Variants in ROBO2 observed in about 807,000 individuals in gnomAD.
The protein encoded by ROBO2 is roundabout homolog 2.
ROBO2 carries 53 observed loss-of-function variants against 160.8 expected under a neutral mutation model. The observed-to-expected ratio is 0.33, with a 90% CI of 0.26 to 0.41. ROBO2 has a LOEUF of 0.41. ROBO2 is among the 10% of genes least tolerant of loss of function. ROBO2 has a pLI of 1.00. For missense variants in ROBO2, 1,577 were observed against 1,722.4 expected, an observed-to-expected ratio of 0.92 and a Z score of 1.49; for synonymous variants, 664 against 611.7, an observed-to-expected ratio of 1.09 and a Z score of -1.26.
Position 77,391,332 on chromosome 3 carries a change from G to A in ROBO2, c.389-86082G>A, listed in dbSNP as rs534448220. Among the ~76,000 whole-genome samples, 204 of 151,646 alleles carry A rather than the reference G, an allele frequency of 1.3e-3. 1 individual carries two copies. The highest frequency in any genetic ancestry group is 4.7e-3 in the African/African-American group (193 of 41,360). ...TTTTTAAGAAATTTTTTTGAGACAG[G>A]GTCTCACTCTGTAGCCCAGGCTGGA... On this transcript the variant is annotated intron_variant, in intron 2 of 25. Transcript: ENST00000461745.
intron 5 of ROBO2, among the ~76,000 whole-genome samples, chr3:77,502,337 A>C (rs2087738586): frequency 6.6e-6 from 1 of 152,188 alleles, no homozygotes; most frequent in African/African-American, 2.4e-5. Context: ...TAAAGTTTTG[A>C]AAATTTTTAT....
chr3:76,657,220 T>C (rs2091574773), intron 2 of ROBO2, among the ~76,000 whole-genome samples: 1 of 148,790 alleles, frequency 6.7e-6, no homozygotes, highest in Non-Finnish European at 1.5e-5. Flanking sequence ...GGTCAGGAGA[T>C]CGAGACCATC....
intron 2 of ROBO2, among the ~76,000 whole-genome samples, chr3:75,977,816 C>G (rs930781023): frequency 6.6e-6 from 1 of 151,442 alleles, no homozygotes; most frequent in Non-Finnish European, 1.5e-5. Context: ...TCACTATTTA[C>G]AACTTGTGGT....
At chr3:77,505,777 A>G (rs1266439094) in intron 5 of ROBO2, among the ~76,000 whole-genome samples, 2 of 152,196 alleles carry the variant, frequency 1.3e-5, no homozygotes, top group Non-Finnish European at 2.9e-5. Context: ...TATCATTGTT[A>G]TTTGATAAAT....
chr3:77,619,058 C>T (rs1467997223), intron 22 of ROBO2, among the ~76,000 whole-genome samples: 1 of 152,066 alleles, frequency 6.6e-6, no homozygotes, highest in Non-Finnish European at 1.5e-5. Flanking sequence ...TACCTGGGCT[C>T]CACTCCCAGA....
intron 6 of ROBO2, among the ~76,000 whole-genome samples, chr3:77,526,043 CAA>C (rs1209724063): frequency 3.3e-5 from 5 of 151,316 alleles, no homozygotes; most frequent in African/African-American, 1.2e-4. Flanking sequence ...CACTCCCCTG[CAA>C]AAAGAAAGAA....
At chr3:77,337,489 C>G (rs1443502617) in intron 2 of ROBO2, among the ~76,000 whole-genome samples, 2 of 151,510 alleles carry the variant, frequency 1.3e-5, no homozygotes, top group Non-Finnish European at 2.9e-5. Context: ...AAATTCATTT[C>G]ATGTTGAATA....
intron 2 of ROBO2, among the ~76,000 whole-genome samples, chr3:76,773,767 A>G (rs1223823501): frequency 2.0e-5 from 3 of 150,788 alleles, no homozygotes; most frequent in African/African-American, 4.8e-5. Flanking sequence ...CTGATTAGAT[A>G]GAGATATCTT....
chr3:76,850,271 G>A (rs1369975539), intron 2 of ROBO2, among the ~76,000 whole-genome samples: 1 of 151,986 alleles, frequency 6.6e-6, no homozygotes, highest in African/African-American at 2.4e-5. Flanking sequence ...TTCTCTCTTA[G>A]ACTATGTAAC....
At chr3:76,984,380 T>C (rs1486670396) in intron 2 of ROBO2, among the ~76,000 whole-genome samples, 2 of 152,154 alleles carry the variant, frequency 1.3e-5, no homozygotes, top group African/African-American at 2.4e-5. Flanking sequence ...GAACAGGACA[T>C]CAAACCTTTT....
At chr3:76,195,358 C>T (rs1174894543) in intron 2 of ROBO2, among the ~76,000 whole-genome samples, 1 of 152,112 alleles carries the variant, frequency 6.6e-6, no homozygotes, top group East Asian at 1.9e-4. Context: ...TCACAGATCA[C>T]CTGACATTTT....
intron 2 of ROBO2, among the ~76,000 whole-genome samples, chr3:76,257,418 G>A (rs552223923): frequency 3.3e-5 from 5 of 152,174 alleles, no homozygotes; most frequent in Middle Eastern, 3.4e-3. Flanking sequence ...GTGCCAAGGA[G>A]ACAGAGATAT....
chr3:77,360,996 A>G (rs1057415725), intron 2 of ROBO2, among the ~76,000 whole-genome samples: 2 of 152,058 alleles, frequency 1.3e-5, no homozygotes, highest in African/African-American at 4.8e-5. Flanking sequence ...TTTAAATTGC[A>G]TAGGCAAAAA....
At chr3:77,508,787 A>T (rs1331198635) in intron 5 of ROBO2, among the ~76,000 whole-genome samples, 2 of 152,126 alleles carry the variant, frequency 1.3e-5, no homozygotes, top group African/African-American at 4.8e-5. Context: ...TTTTAACTTA[A>T]ACTTAATTTT....
intron 5 of ROBO2, among the ~76,000 whole-genome samples, chr3:77,516,920 A>G (rs1374643605): frequency 6.6e-6 from 1 of 151,622 alleles, no homozygotes; most frequent in Non-Finnish European, 1.5e-5. Context: ...CTGATGCATC[A>G]TGATATTTTC....
intron 6 of ROBO2, among the ~76,000 whole-genome samples, chr3:77,544,318 C>T (rs1230581883): frequency 1.3e-5 from 2 of 152,052 alleles, no homozygotes; most frequent in Non-Finnish European, 2.9e-5. Flanking sequence ...TAAGAAGCAA[C>T]TAATCTCCTG....
At chr3:76,934,695 A>G (rs1292799758) in intron 2 of ROBO2, among the ~76,000 whole-genome samples, 3 of 152,090 alleles carry the variant, frequency 2.0e-5, no homozygotes, top group Non-Finnish European at 4.4e-5. Context: ...GAGCCGAGAT[A>G]TACCGCCACT....
Position 75,937,395 on chromosome 3 carries a change from A to G in ROBO2, c.-13-86A>G, listed in dbSNP as rs1438931930. 6 of 597,608 alleles carry G rather than the reference A, an allele frequency of 1.0e-5. No individual in the cohort carries two copies. In the East Asian group the frequency reaches 1.9e-4, roughly 19 times the overall value. 37.0% of individuals were successfully genotyped at this position (597,608 alleles called of 1,614,324 possible). A position where few individuals can be genotyped will look rare whatever the true frequency, so the allele number is the denominator to read the frequency against. On this transcript the variant is annotated intron_variant, in intron 1 of 26. Transcript: ENST00000487694. ...AGGATAATTCAGAAATGCACAATGC[A>G]TATTAGATATGGGATTTGAGTCGTA...
intron 4 of ROBO2, among the ~76,000 whole-genome samples, chr3:77,485,585 A>G (rs1296759645): frequency 1.3e-5 from 2 of 152,136 alleles, no homozygotes; most frequent in Non-Finnish European, 2.9e-5. Flanking sequence ...AAACAAAACA[A>G]TTCAATGAAA....
Sources: gnomAD v4.1 joint callset for allele counts (sites outside exome capture counted in the v4.1 genomes callset) on GRCh38, gnomAD v4.1.1 for gene constraint, MANE v1.5 for transcripts, NCBI Gene and HGNC (gene_info 2026-07-23, HGNC 2026-07-21) for gene names.